Variants in HELZ observed in about 807,000 individuals in gnomAD.
HELZ encodes the protein ATP-dependent RNA helicase with zinc finger domain.
HELZ carries 23 observed loss-of-function variants against 218.2 expected under a neutral mutation model. That is an observed-to-expected ratio of 0.11 (90% CI 0.08 to 0.15). The LOEUF (loss-of-function observed/expected upper bound fraction) is 0.15. HELZ is among the 10% of genes least tolerant of loss of function. HELZ has a pLI of 1.00. For synonymous variants in HELZ, 814 were observed against 829.4 expected, an observed-to-expected ratio of 0.98 and a Z score of 0.32; for missense variants, 1,813 against 2,353.7, an observed-to-expected ratio of 0.77 and a Z score of 4.75.
intron 31 of HELZ, among the ~76,000 whole-genome samples, chr17:67,104,818 T>G (rs550854790): frequency 6.6e-6 from 1 of 152,060 alleles, no homozygotes; most frequent in Non-Finnish European, 1.5e-5. Context: ...AATAGGGAAA[T>G]GCAAATCAAA....
At chr17:67,241,845 A>T (rs755018824) in intron 2 of HELZ, among the ~76,000 whole-genome samples, 8 of 152,128 alleles carry the variant, frequency 5.3e-5, no homozygotes, top group Non-Finnish European at 1.0e-4. Flanking sequence ...CCTCACCACA[A>T]CCTTCAATAC....
At chr17:67,220,849 T>C (rs1328664771) in intron 3 of HELZ, among the ~76,000 whole-genome samples, 108 of 114,356 alleles carry the variant, frequency 9.4e-4, no homozygotes, top group African/African-American at 1.6e-3. Context: ...TTAAGATAAC[T>C]CCCCCCCCCC....
intron 1 of HELZ, 129 bp from the exon 2 acceptor site, chr17:67,243,968 T>C: frequency 4.1e-6 from 4 of 985,214 alleles, no homozygotes; most frequent in Non-Finnish European, 4.8e-6. Context: ...AATGGTACAG[T>C]GTGCAGCTTT....
At chr17:67,207,595 T>A (rs1215933758) in intron 5 of HELZ, among the ~76,000 whole-genome samples, 2 of 152,176 alleles carry the variant, frequency 1.3e-5, no homozygotes, top group Non-Finnish European at 2.9e-5. Context: ...TGAAGGTATT[T>A]TTTCCAAAAA....
chr17:67,178,938 C>CA lies in HELZ; in HGVS notation c.1163-13dup, dbSNP rs1430691349. 13 of 1,539,076 alleles carry CA rather than the reference C, an allele frequency of 8.4e-6. No individual in the cohort carries two copies. Among genetic ancestry groups the CA allele is most frequent in the Non-Finnish European group, 1.1e-5 (13 of 1,135,344 alleles). The stretch of plus-strand genomic sequence containing the variant: ...CAGGTATTCGAGATCTAAATGGAAA[C>CA]AAAAAACACATTTATAAAGAAACAG... On this transcript the variant is annotated splice_polypyrimidine_tract_variant and intron_variant, in intron 12 of 32. Transcript: ENST00000358691.
chr17:67,213,346 G>A (rs545145064), intron 5 of HELZ, among the ~76,000 whole-genome samples: 14 of 152,112 alleles, frequency 9.2e-5, no homozygotes, highest in Non-Finnish European at 1.5e-4. Flanking sequence ...ATTATAGGCC[G>A]GGCGCAGTGG....
rs538370109 is a variant in HELZ, at chr17:67,124,792, T to A, written c.3388-778A>T. Among the ~76,000 whole-genome samples, 22 of 152,092 alleles carry A rather than the reference T, an allele frequency of 1.4e-4. No individual in the cohort carries two copies. The South Asian group carries it at 4.2e-3, about 29-fold the overall frequency. Reference sequence around the variant, plus strand: ...AAGCAATAGCAAATTCACATAATGGTATATTTAGTCTACCATTAAAAATGA... The same window carrying A: ...AAGCAATAGCAAATTCACATAATGGAATATTTAGTCTACCATTAAAAATGA... On this transcript the variant is annotated intron_variant, in intron 24 of 32. Transcript: ENST00000358691.
chr17:67,102,097 G>T (rs1489952015), intron 31 of HELZ, among the ~76,000 whole-genome samples: 3 of 152,188 alleles, frequency 2.0e-5, no homozygotes, highest in Non-Finnish European at 4.4e-5. Flanking sequence ...AGGTGGGGAA[G>T]GAAAATCCAT....
chr17:67,218,686 G>C lies in HELZ; in HGVS notation c.119C>G (p.Ser40Cys), dbSNP rs771988015. 6.2e-7 allele frequency: 1 copy of C among 1,614,136 alleles called. No homozygotes were observed. Among genetic ancestry groups the C allele is most frequent in the South Asian group, 1.1e-5 (1 of 91,078 alleles). ...ACAAGGCCCTGTGAAGTCTGCCATG[G>C]AGTACTGGCCAAGAGAAAGAAGGGC... ...TEALLSLGQYSMADFTGPCPL... is the reference protein window; with the variant it reads ...TEALLSLGQYCMADFTGPCPL... Residue 40 changes from serine to cysteine, a missense_variant, in exon 4 of 33, where the codon TCC becomes TGC. Coordinates refer to ENST00000358691, the MANE Select transcript of HELZ (RefSeq NM_014877.4).
chr17:67,084,531 C>A lies in HELZ; in HGVS notation c.5494+2298G>T, dbSNP rs549392777. ...ACAAAAAATTAGCCGGGCGTGGTGGCGGGCGCCTGTAGTCCCAGCTACGCG... is the reference window on the plus strand; with the variant it reads ...ACAAAAAATTAGCCGGGCGTGGTGGAGGGCGCCTGTAGTCCCAGCTACGCG... On this transcript the variant is annotated intron_variant, in intron 32 of 32. Transcript: ENST00000358691. Among the ~76,000 whole-genome samples, 318 of 152,048 alleles carry A rather than the reference C, an allele frequency of 2.1e-3. 1 individual carries two copies. Among genetic ancestry groups the A allele is most frequent in the African/African-American group, 7.3e-3 (304 of 41,500 alleles).
At chr17:67,177,293 G>T (rs1252676815) in intron 13 of HELZ, among the ~76,000 whole-genome samples, 1 of 151,684 alleles carries the variant, frequency 6.6e-6, no homozygotes, top group African/African-American at 2.4e-5. Flanking sequence ...AATTTTGTAG[G>T]GTTTCTCCTT....
In HELZ at chr17:67,075,821, T is replaced by TA. The variant is rs1252534123; in HGVS notation, c.*2430dup. 6.6e-6 allele frequency: 1 copy of TA among 152,624 alleles called. No homozygotes were observed. The highest frequency in any genetic ancestry group is 1.5e-5 in the Non-Finnish European group (1 of 68,030). 9.5% of individuals were successfully genotyped at this position (152,624 alleles called of 1,614,324 possible). A position where few individuals can be genotyped will look rare whatever the true frequency, so the allele number is the denominator to read the frequency against. On this transcript the variant is annotated 3_prime_UTR_variant, in exon 33 of 33. Transcript: ENST00000358691. ...AAATAAGGAATGAGAAGTACTCATA[T>TA]ACTCACAGCAGAGCGGTGGGCCAAT...
At position 67,104,392 on chromosome 17, in the gene HELZ, T is replaced by A. The variant is rs574497810; in HGVS notation, c.5241+2777A>T. Among the ~76,000 whole-genome samples the A allele has an allele frequency of 6.7e-3, 998 of 149,054 alleles. 9 individuals are homozygous for A. The highest frequency in any genetic ancestry group is 0.023 in the African/African-American group (953 of 40,806). On this transcript the variant is annotated intron_variant, in intron 31 of 32. Transcript: ENST00000358691. ...AGGCGGAGCTTGCAGTGAGCCGAGA[T>A]GGCGCCACTGCACTCCAGCCTGTGC...
Position 67,072,370 on chromosome 17 carries a change from T to C in HELZ, c.*5882A>G, listed in dbSNP as rs552474214. On this transcript the variant is annotated 3_prime_UTR_variant, in exon 33 of 33. Coordinates refer to ENST00000358691, the MANE Select transcript of HELZ (RefSeq NM_014877.4). ...AAAACAAAACTATTATTTTATTATT[T>C]AAGGATTATCTGTGGTTTTCGATGC... The C allele has an allele frequency of 1.1e-4, 17 of 152,760 alleles. No individual in the cohort carries two copies. Among genetic ancestry groups the C allele is most frequent in the African/African-American group, 3.6e-4 (15 of 41,568 alleles). The allele number at this position is 152,760 out of a possible 1,614,324, so 9.5% of individuals were successfully genotyped here.
chr17:67,138,949 GA>G, intron 21 of HELZ, among the ~76,000 whole-genome samples: 1 of 152,044 alleles, frequency 6.6e-6, no homozygotes, highest in Non-Finnish European at 1.5e-5. Context: ...GGTTTATTTA[GA>G]AAAGAGAGTC....
intron 6 of HELZ, among the ~76,000 whole-genome samples, chr17:67,202,496 C>T (rs1455645072): frequency 6.6e-6 from 1 of 152,066 alleles, no homozygotes; most frequent in African/African-American, 2.4e-5. Context: ...CAGCAAGACT[C>T]CGTAACTTAA....
In HELZ at chr17:67,109,380, T is replaced by G. The variant is rs371016297; in HGVS notation, c.4225A>C (p.Asn1409His). The change falls in exon 29 of 33, where the codon AAT (asparagine) becomes CAT (histidine). Residue 1409 changes from asparagine to histidine, a missense_variant. By Grantham distance (68) the Asn-to-His change is moderately conservative. Around this residue, in one of 4 missense-constraint regions of HELZ, gnomAD observed 938 missense variants for 1,027.5 expected, o/e 0.91. Transcript: ENST00000358691. ...GGAGGTGGCTGCTGAGGCTGCTGAT[T>G]CAACTGACTTTGCTGCTGGACTACC... ...NQVVQQQSQL[N>H]QQPQQPPPQL... 1.2e-4 allele frequency: 195 copies of G among 1,614,072 alleles called. No individual in the cohort carries two copies. The highest frequency in any genetic ancestry group is 1.6e-4 in the Non-Finnish European group (188 of 1,180,050).
At chr17:67,122,872 TA>T in intron 26 of HELZ, 97 bp downstream of exon 26, 2 of 877,554 alleles carry the variant, frequency 2.3e-6, no homozygotes, top group Non-Finnish European at 3.4e-6. Context: ...AAATTTTTTT[TA>T]AAAAAGAAGT....
At chr17:67,141,735 A>T (rs2038331822) in intron 21 of HELZ, among the ~76,000 whole-genome samples, 1 of 152,088 alleles carries the variant, frequency 6.6e-6, no homozygotes, top group Non-Finnish European at 1.5e-5. Flanking sequence ...AACTCAAAAA[A>T]TATAATTAAA....
Sources: allele counts gnomAD v4.1 joint callset (sites outside exome capture counted in the v4.1 genomes callset), GRCh38; gene constraint gnomAD v4.1.1; regional missense constraint gnomAD v4.1.1; transcripts MANE v1.5; gene names NCBI Gene and HGNC (gene_info 2026-07-23, HGNC 2026-07-21).